SEH1L: variants seen among roughly 807,000 people sequenced by gnomAD.
SEH1L encodes the protein SEH1 like nucleoporin, also known as nucleoporin SEH1.
Under a neutral mutation model 49.5 loss-of-function variants are expected in SEH1L, and 18 were observed. That is an observed-to-expected ratio of 0.36 (90% CI 0.25 to 0.54). SEH1L has a LOEUF of 0.54. Ranked by LOEUF, SEH1L falls within the 20% of genes least tolerant of loss-of-function variation. The pLI is 0.87. For synonymous variants in SEH1L, 169 were observed against 178.1 expected (o/e 0.95, Z 0.41); for missense variants, 404 against 528.8 (o/e 0.76, Z 2.31).
chr18:12,948,158 G>A lies in SEH1L; in HGVS notation c.37G>A (p.Asp13Asn). ...TCGCAGCATCGCGGCGGACCACAAG[G>A]ATCTCATCCACGATGTCTCTTTCGA... is the stretch of plus-strand genomic sequence containing the variant. ...VARSIAADHK[D>N]LIHDVSFDFH... Residue 13 changes from aspartate (D) to asparagine (N), a missense_variant, in exon 1 of 9, where the codon GAT becomes AAT. Asp to Asn is a conservative substitution (Grantham distance 23). This residue lies in a region of SEH1L where 57 missense variants were observed against 71.9 expected (regional missense o/e 0.79). Transcript: ENST00000399892. 3 of 1,610,860 alleles carry A rather than the reference G, an allele frequency of 1.9e-6. No individual in the cohort carries two copies. The highest frequency in any genetic ancestry group is 2.5e-6 in the Non-Finnish European group (3 of 1,179,110).
At chr18:12,978,414 CTG>C in intron 5 of SEH1L, 1 of 179,794 alleles carries the variant, frequency 5.6e-6, no homozygotes, top group Non-Finnish European at 1.2e-5. Flanking sequence ...ATCTCTGCCT[CTG>C]TGTTCACATG....
At chr18:12,978,589 G>T in intron 5 of SEH1L, 163 bp from the exon 6 acceptor site, 1 of 561,670 alleles carries the variant, frequency 1.8e-6, no homozygotes, top group Non-Finnish European at 3.1e-6. Context: ...AGGGTCTGGG[G>T]GTCAGGACTT....
At chr18:12,950,585 A>G (rs957193514) in intron 1 of SEH1L, among the ~76,000 whole-genome samples, 1 of 152,130 alleles carries the variant, frequency 6.6e-6, no homozygotes, top group African/African-American at 2.4e-5. Flanking sequence ...GAAATTTTTC[A>G]TTAGTTTAGC....
At position 12,963,350 on chromosome 18, in the gene SEH1L, G is replaced by A. The variant is rs1451017974; in HGVS notation, c.500G>A (p.Cys167Tyr). ...ATCTCATGTAAGCTAAGCTGTAGTT[G>A]TATTTCTTGGAACCCTTCAAGGTAA... The part of the protein sequence containing the change: ...HEISCKLSCS[C>Y]ISWNPSSSRA... The change falls in exon 4 of 9, where the codon TGT becomes TAT. Residue 167 changes from cysteine to tyrosine, a missense_variant. Physicochemically the swap from Cys to Tyr is radical, Grantham distance 194 (BLOSUM62 -2). Around this residue, in one of 3 missense-constraint regions of SEH1L, gnomAD observed 342 missense variants for 430.8 expected, o/e 0.79. Transcript: ENST00000399892. 1.2e-6 allele frequency: 2 copies of A among 1,613,920 alleles called. No individual in the cohort carries two copies. Among genetic ancestry groups the A allele is most frequent in the Non-Finnish European group, 1.7e-6 (2 of 1,179,844 alleles).
rs1165117822 is a variant in SEH1L, at chr18:12,982,562, A to C, written c.806A>C (p.His269Pro). ...SSGGPTKFEI[H>P]IVAQFDNHNS... ...GGTGGGCCAACAAAGTTTGAAATCC[A>C]TATAGTGGCTCAGTTCGATAATCAT... Residue 269 changes from histidine (H) to proline (P), a missense_variant, in exon 7 of 9, where the codon CAT (histidine) becomes CCT (proline). Around this residue, in one of 3 missense-constraint regions of SEH1L, gnomAD observed 342 missense variants for 430.8 expected, o/e 0.79. Coordinates refer to ENST00000399892, the MANE Select transcript of SEH1L (RefSeq NM_001013437.2). 1 of 1,613,632 alleles carries C rather than the reference A, an allele frequency of 6.2e-7. No individual in the cohort carries two copies. Among genetic ancestry groups the C allele is most frequent in the East Asian group, 2.2e-5 (1 of 44,884 alleles).
chr18:12,966,311 C>T (rs1012869616), intron 4 of SEH1L, among the ~76,000 whole-genome samples: 8 of 152,064 alleles, frequency 5.3e-5, no homozygotes, highest in African/African-American at 1.2e-4. Context: ...AGGCTGGTCT[C>T]GAACTCCTGA....
chr18:12,981,006 G>T (rs2032224133), intron 6 of SEH1L, among the ~76,000 whole-genome samples: 1 of 146,224 alleles, frequency 6.8e-6, no homozygotes. Flanking sequence ...CGGGCGGAGG[G>T]GCTCCTCACT....
At chr18:12,986,653 A>C in intron 8 of SEH1L, 1 of 1,205,472 alleles carries the variant, frequency 8.3e-7, no homozygotes, top group Non-Finnish European at 1.0e-6. Context: ...TACTTGCTTA[A>C]GCAATCTTGA....
At chr18:12,981,972 G>C (rs1361031654) in intron 6 of SEH1L, among the ~76,000 whole-genome samples, 1 of 146,230 alleles carries the variant, frequency 6.8e-6, no homozygotes, top group Non-Finnish European at 1.5e-5. Flanking sequence ...CAATTCTCAT[G>C]CCTCAGCCTC....
chr18:12,949,162 C>T (rs1163567602), intron 1 of SEH1L, among the ~76,000 whole-genome samples: 4 of 151,790 alleles, frequency 2.6e-5, no homozygotes, highest in African/African-American at 9.7e-5. Flanking sequence ...CCACCGCGCC[C>T]GGCCTACAAG....
Position 12,987,241 on chromosome 18 carries a change from T to C in SEH1L, c.*184T>C, listed in dbSNP as rs989944761. Reference sequence around the variant, plus strand: ...TTTGTGCGTCTGCATCAAAGGAACATTTGCTTCACTGGGTGATAACCTTTG... The same window carrying C: ...TTTGTGCGTCTGCATCAAAGGAACACTTGCTTCACTGGGTGATAACCTTTG... On this transcript the variant is annotated 3_prime_UTR_variant, in exon 9 of 9. Transcript: ENST00000399892. The C allele has an allele frequency of 2.2e-6, 1 of 447,816 alleles. No individual in the cohort carries two copies. The highest frequency in any genetic ancestry group is 4.0e-6 in the Non-Finnish European group (1 of 252,266). 27.7% of individuals were successfully genotyped at this position (447,816 alleles called of 1,614,324 possible). A position where few individuals can be genotyped will look rare whatever the true frequency, so the allele number is the denominator to read the frequency against.
In SEH1L at chr18:12,950,543, C is replaced by T. The variant is rs950604799; in HGVS notation, c.112-1312C>T. Among the ~76,000 whole-genome samples the T allele has an allele frequency of 3.9e-5, 6 of 152,150 alleles. No homozygotes were observed. In the South Asian group the frequency reaches 6.2e-4, roughly 16 times the overall value. ...TGTCATGGTAGAGTGTGTGTATATACGTATATGTCTTGTCAGAAATAGTGT... is the reference window on the plus strand; with the variant it reads ...TGTCATGGTAGAGTGTGTGTATATATGTATATGTCTTGTCAGAAATAGTGT... On this transcript the variant is annotated intron_variant, in intron 1 of 8. Coordinates refer to ENST00000399892, the MANE Select transcript of SEH1L (RefSeq NM_001013437.2).
chr18:12,955,798 T>C (rs1024785310), intron 3 of SEH1L, among the ~76,000 whole-genome samples, 189 bp downstream of exon 3: 9 of 152,176 alleles, frequency 5.9e-5, no homozygotes, highest in Non-Finnish European at 2.9e-5. Context: ...GAAGCAATAC[T>C]TAGGAGCATC....
intron 3 of SEH1L, 74 bp downstream of exon 3, chr18:12,955,683 C>T: frequency 6.8e-7 from 1 of 1,476,952 alleles, no homozygotes. Context: ...AAGGCTACCT[C>T]AGATAATTGG....
rs1598933207 is a variant in SEH1L at position 12,948,047 on chromosome 18, C to G, written c.-75C>G. The G allele has an allele frequency of 2.4e-5, 27 of 1,136,300 alleles. No individual in the cohort carries two copies. In the East Asian group the frequency reaches 6.8e-4, roughly 29 times the overall value. 70.4% of individuals were successfully genotyped at this position (1,136,300 alleles called of 1,614,324 possible). ...TGCGCTCCCGGGCTGCGAGGTCTGG[C>G]TAGGCTACGGGCCACGCGCCGCCGC... On this transcript the variant is annotated 5_prime_UTR_variant, in exon 1 of 9. Coordinates refer to ENST00000399892, the MANE Select transcript of SEH1L (RefSeq NM_001013437.2).
intron 2 of SEH1L, among the ~76,000 whole-genome samples, chr18:12,952,387 G>GATGCCCGGCTA (rs1294082476): frequency 4.0e-5 from 6 of 151,876 alleles, no homozygotes; most frequent in Non-Finnish European, 7.4e-5. Context: ...CGTGCACCAC[G>GATGCCCGGCTA]ATGCCCGGCT....
intron 5 of SEH1L, chr18:12,972,951 A>G (rs2031765335): frequency 1.3e-5 from 2 of 152,246 alleles, no homozygotes; most frequent in African/African-American, 4.8e-5. Flanking sequence ...TATGCCTGCC[A>G]TCTCAGCACT....
intron 5 of SEH1L, chr18:12,975,869 C>T: frequency 1.0e-6 from 1 of 985,664 alleles, no homozygotes; most frequent in Non-Finnish European, 1.2e-6. Flanking sequence ...TAGGAGGCAC[C>T]AGCTGTAGGT....
chr18:12,970,561 C>T (rs922806219), intron 4 of SEH1L, among the ~76,000 whole-genome samples: 4 of 152,176 alleles, frequency 2.6e-5, no homozygotes, highest in Non-Finnish European at 2.9e-5. Context: ...CTGAGACAAA[C>T]GGCACATGCC....
Sources: allele counts gnomAD v4.1 joint callset (sites outside exome capture counted in the v4.1 genomes callset), GRCh38; gene constraint gnomAD v4.1.1; regional missense constraint gnomAD v4.1.1; transcripts MANE v1.5; gene names NCBI Gene and HGNC (gene_info 2026-07-23, HGNC 2026-07-21).